Variants in SPAG16 observed in about 807,000 individuals in gnomAD.
SPAG16 encodes the protein sperm associated antigen 16.
Under a neutral mutation model 80.4 loss-of-function variants are expected in SPAG16, and 86 were observed. The observed-to-expected ratio is 1.07, with a 90% CI of 0.90 to 1.28. The LOEUF is 1.28. SPAG16 is among the 50% of genes most tolerant of loss of function. The pLI is 0.00. For missense variants in SPAG16, 870 were observed against 765.3 expected, an observed-to-expected ratio of 1.14 and a Z score of -1.61; for synonymous variants, 294 against 265.9, an observed-to-expected ratio of 1.11 and a Z score of -1.03.
chr2:213,933,789 G>A (rs542492279), intron 12 of SPAG16, among the ~76,000 whole-genome samples: 1 of 152,228 alleles, frequency 6.6e-6, no homozygotes, highest in African/African-American at 2.4e-5. Flanking sequence ...GGAAAATAAA[G>A]AAGGTTTAAG....
At chr2:213,321,005 A>G (rs1190165702) in intron 5 of SPAG16, among the ~76,000 whole-genome samples, 2 of 152,110 alleles carry the variant, frequency 1.3e-5, no homozygotes, top group East Asian at 1.9e-4. Context: ...AGTAATAAAC[A>G]TGAGATTCCC....
chr2:213,875,382 T>G (rs1403307633), intron 11 of SPAG16, among the ~76,000 whole-genome samples: 1 of 151,924 alleles, frequency 6.6e-6, no homozygotes, highest in African/African-American at 2.4e-5. Flanking sequence ...CAAAACAGAA[T>G]GGGTCTGAAG....
At chr2:214,233,582 G>C (rs940993322) in intron 15 of SPAG16, among the ~76,000 whole-genome samples, 4 of 152,038 alleles carry the variant, frequency 2.6e-5, no homozygotes, top group Non-Finnish European at 2.9e-5. Context: ...GTTGGGTCTA[G>C]AATCCAGATC....
At chr2:213,592,952 A>G (rs1187216188) in intron 10 of SPAG16, among the ~76,000 whole-genome samples, 1 of 152,184 alleles carries the variant, frequency 6.6e-6, no homozygotes, top group Admixed American at 6.5e-5. Context: ...ATGATTTAAA[A>G]ACTTATATTA....
At chr2:213,798,258 T>G (rs922803110) in intron 10 of SPAG16, among the ~76,000 whole-genome samples, 1 of 152,112 alleles carries the variant, frequency 6.6e-6, no homozygotes, top group African/African-American at 2.4e-5. Flanking sequence ...GCATTTTTTG[T>G]TTGTTTGTTT....
intron 10 of SPAG16, among the ~76,000 whole-genome samples, chr2:213,542,287 A>T (rs1277759164): frequency 2.0e-5 from 3 of 152,078 alleles, no homozygotes; most frequent in Non-Finnish European, 4.4e-5. Context: ...TTTACATGAA[A>T]CCTAGCTAAT....
In SPAG16 at chr2:213,786,718, C is replaced by A; in HGVS notation, c.1071-75767C>A. On this transcript the variant is annotated intron_variant, in intron 10 of 15. Transcript: ENST00000331683. Reference sequence around the variant, plus strand: ...AGTTGACTAAGAGCTTAACATATGTCTAATAATGTGTTCAGCATAGATTAA... The same window carrying A: ...AGTTGACTAAGAGCTTAACATATGTATAATAATGTGTTCAGCATAGATTAA... 2.0e-5 allele frequency among the ~76,000 whole-genome samples: 3 copies of A among 152,088 alleles called. No individual in the cohort carries two copies. In the Middle Eastern group the frequency reaches 0.01, roughly 517 times the overall value.
chr2:214,341,134 C>T (rs1190012782), intron 15 of SPAG16, among the ~76,000 whole-genome samples: 1 of 152,052 alleles, frequency 6.6e-6, no homozygotes, highest in African/African-American at 2.4e-5. Context: ...AAAGAAAGAA[C>T]CGTCCTAGGT....
At chr2:213,988,652 T>C (rs1333144358) in intron 12 of SPAG16, among the ~76,000 whole-genome samples, 1 of 151,554 alleles carries the variant, frequency 6.6e-6, no homozygotes, top group East Asian at 1.9e-4. Flanking sequence ...CCATGCACAA[T>C]TGTACCAACA....
At chr2:214,401,829 A>G (rs1447586847) in intron 15 of SPAG16, among the ~76,000 whole-genome samples, 2 of 152,100 alleles carry the variant, frequency 1.3e-5, no homozygotes, top group African/African-American at 4.8e-5. Flanking sequence ...CAAACCTATA[A>G]GTGAATTTTG....
chr2:214,271,958 A>G lies in SPAG16; in HGVS notation c.1720+122692A>G, dbSNP rs546359311. Among the ~76,000 whole-genome samples, 52 of 152,098 alleles carry G rather than the reference A, an allele frequency of 3.4e-4. No homozygotes were observed. In the South Asian group the frequency reaches 4.0e-3, roughly 12 times the overall value. ...TTAAGCTTTGAAGAGTTTTAACTAT[A>G]TATGTGATTCTCATAATATCTATTT... On this transcript the variant is annotated intron_variant, in intron 15 of 15. Transcript: ENST00000331683.
intron 15 of SPAG16, among the ~76,000 whole-genome samples, chr2:214,336,447 C>T: frequency 6.6e-6 from 1 of 152,116 alleles, no homozygotes; most frequent in South Asian, 2.1e-4. Flanking sequence ...CAAGTATAGA[C>T]ATGTCAGGCC....
Position 213,460,336 on chromosome 2 carries a change from G to A in SPAG16, c.943-29627G>A, listed in dbSNP as rs193071201. ...GCAACACTGTGAACCCCTTGAGCTT[G>A]TAATTAGTTGATCTATATCCATAGA... On this transcript the variant is annotated intron_variant, in intron 9 of 15. Coordinates refer to ENST00000331683, the MANE Select transcript of SPAG16 (RefSeq NM_024532.5). Among the ~76,000 whole-genome samples, 13 of 152,278 alleles carry A rather than the reference G, an allele frequency of 8.5e-5. No homozygotes were observed. The East Asian group carries it at 2.5e-3, about 29-fold the overall frequency.
chr2:213,376,580 A>C (rs2066893142), intron 9 of SPAG16, among the ~76,000 whole-genome samples: 1 of 152,030 alleles, frequency 6.6e-6, no homozygotes, highest in African/African-American at 2.4e-5. Flanking sequence ...TATTATAACA[A>C]ATGACTGAGT....
chr2:213,493,030 T>C (rs935080924), intron 10 of SPAG16, among the ~76,000 whole-genome samples: 4 of 152,162 alleles, frequency 2.6e-5, no homozygotes, highest in Non-Finnish European at 5.9e-5. Flanking sequence ...AAAGAATTTG[T>C]GTCAGATCTG....
At chr2:213,956,446 C>CTTT (rs755475252) in intron 12 of SPAG16, among the ~76,000 whole-genome samples, 1 of 113,078 alleles carries the variant, frequency 8.8e-6, no homozygotes, top group Non-Finnish European at 1.8e-5. Flanking sequence ...ATTTTTTTTC[C>CTTT]TTTTTTTTTT....
intron 10 of SPAG16, among the ~76,000 whole-genome samples, chr2:213,744,948 C>T (rs544314338): frequency 6.8e-4 from 104 of 152,238 alleles, no homozygotes; most frequent in African/African-American, 2.4e-3. Flanking sequence ...TTCCATTTTG[C>T]CTATTTTTAA....
intron 15 of SPAG16, among the ~76,000 whole-genome samples, chr2:214,227,822 C>T (rs1688383345): frequency 6.6e-6 from 1 of 150,704 alleles, no homozygotes; most frequent in Non-Finnish European, 1.5e-5. Context: ...ATTATTGTAC[C>T]TAGAGTAGGA....
chr2:213,515,065 T>C (rs1354307914), intron 10 of SPAG16, among the ~76,000 whole-genome samples: 4 of 152,188 alleles, frequency 2.6e-5, no homozygotes, highest in African/African-American at 9.7e-5. Flanking sequence ...AAATAACATG[T>C]CAGGTGTTAT....
Sources: gnomAD v4.1 joint callset for allele counts (sites outside exome capture counted in the v4.1 genomes callset) on GRCh38, gnomAD v4.1.1 for gene constraint, MANE v1.5 for transcripts, NCBI Gene and HGNC (gene_info 2026-07-23, HGNC 2026-07-21) for gene names.